The following NRXN3 variants were observed in gnomAD, a reference collection of about 807,000 sequenced individuals.
NRXN3 encodes the protein neurexin III.
A neutral mutation model predicts 137.6 loss-of-function variants in NRXN3; 32 were observed. The ratio of observed to expected loss-of-function variants is 0.23; its 90% CI spans 0.18 to 0.31. The LOEUF (loss-of-function observed/expected upper bound fraction) is 0.31, where lower values mean the gene tolerates loss of function less well. Among genes scored for constraint, NRXN3 ranks in the 10% least tolerant of loss-of-function variants. The probability of loss-of-function intolerance (pLI) is 1.00; values close to 1 mark genes in which losing one functional copy is unlikely to be tolerated. For synonymous variants in NRXN3, 798 were observed against 784.5 expected (o/e 1.02, Z -0.29); for missense variants, 1,574 against 2,062.5 (o/e 0.76, Z 4.59).
chr14:79,149,660 G>A (rs2059624601), intron 15 of NRXN3, among the ~76,000 whole-genome samples: 1 of 152,040 alleles, frequency 6.6e-6, no homozygotes, highest in South Asian at 2.1e-4. Flanking sequence ...TATACACCAT[G>A]GAATACTATA....
chr14:79,358,166 A>G (rs940614007), intron 15 of NRXN3, among the ~76,000 whole-genome samples: 2 of 152,190 alleles, frequency 1.3e-5, no homozygotes, highest in Non-Finnish European at 2.9e-5. Flanking sequence ...CTGCAGGCTA[A>G]GCCTTGGTAT....
intron 15 of NRXN3, among the ~76,000 whole-genome samples, chr14:79,210,145 C>A (rs1185469991): frequency 6.6e-6 from 1 of 152,060 alleles, no homozygotes; most frequent in African/African-American, 2.4e-5. Context: ...TTCTTCAGTC[C>A]CTGTCTTCCA....
At chr14:78,172,624 C>T (rs1380155516) in intron 1 of NRXN3, among the ~76,000 whole-genome samples, 1 of 152,058 alleles carries the variant, frequency 6.6e-6, no homozygotes, top group African/African-American at 2.4e-5. Context: ...GCCTGAGGTT[C>T]ATCCTGCGAG....
intron 15 of NRXN3, among the ~76,000 whole-genome samples, chr14:79,230,732 C>T (rs2072021456): frequency 6.6e-6 from 1 of 152,140 alleles, no homozygotes; most frequent in African/African-American, 2.4e-5. Flanking sequence ...TACTTTCTCC[C>T]TGGCAGGTAC....
At chr14:79,348,667 G>T (rs144878100) in intron 15 of NRXN3, among the ~76,000 whole-genome samples, 2 of 152,132 alleles carry the variant, frequency 1.3e-5, no homozygotes, top group African/African-American at 2.4e-5. Flanking sequence ...GTAAGCCACC[G>T]CGCCCGGCCT....
At chr14:79,375,642 G>A (rs2094251312) in intron 15 of NRXN3, among the ~76,000 whole-genome samples, 1 of 151,992 alleles carries the variant, frequency 6.6e-6, no homozygotes, top group Non-Finnish European at 1.5e-5. Context: ...TTGCCCTGGA[G>A]AAAAATACTG....
chr14:79,390,250 G>A (rs2094798806), intron 15 of NRXN3, among the ~76,000 whole-genome samples: 1 of 148,536 alleles, frequency 6.7e-6, no homozygotes, highest in Non-Finnish European at 1.5e-5. Context: ...CCAGGAGGTG[G>A]AACTTGCAGT....
chr14:79,358,803 TAGAA>T (rs1307880303), intron 15 of NRXN3, among the ~76,000 whole-genome samples: 1 of 152,000 alleles, frequency 6.6e-6, no homozygotes, highest in Non-Finnish European at 1.5e-5. Flanking sequence ...GTCACATCCT[TAGAA>T]AGGCCAAACC....
chr14:79,669,243 T>C (rs1046870259), intron 17 of NRXN3: 4 of 151,898 alleles, frequency 2.6e-5, no homozygotes, highest in Non-Finnish European at 5.9e-5. Flanking sequence ...ATAAATACAA[T>C]CAAGAAGGAA....
At chr14:78,636,436 A>G (rs745382222) in intron 4 of NRXN3, among the ~76,000 whole-genome samples, 3 of 152,122 alleles carry the variant, frequency 2.0e-5, no homozygotes, top group Non-Finnish European at 4.4e-5. Flanking sequence ...CTATCTAATT[A>G]CGAAATGTAG....
chr14:78,447,384 A>T (rs1253733280), intron 4 of NRXN3, among the ~76,000 whole-genome samples: 1 of 152,286 alleles, frequency 6.6e-6, no homozygotes, highest in Non-Finnish European at 1.5e-5. Context: ...CTAAGGCCTA[A>T]TAACATATAA....
intron 19 of NRXN3, among the ~76,000 whole-genome samples, chr14:79,732,938 A>G (rs1378470438): frequency 6.6e-6 from 1 of 152,162 alleles, no homozygotes. Context: ...TCAAAAGAAG[A>G]TGTTCAGATT....
chr14:78,967,883 A>G (rs923046229), intron 13 of NRXN3, among the ~76,000 whole-genome samples: 5 of 152,220 alleles, frequency 3.3e-5, no homozygotes, highest in Non-Finnish European at 7.3e-5. Context: ...AAGCACATAA[A>G]AAGCACTCAA....
At chr14:78,454,696 G>C (rs1481223353) in intron 4 of NRXN3, among the ~76,000 whole-genome samples, 4 of 152,330 alleles carry the variant, frequency 2.6e-5, no homozygotes, top group Middle Eastern at 6.8e-3. Context: ...GTGCATAGAA[G>C]ATGAGTGCTC....
At position 78,183,535 on chromosome 14, in the gene NRXN3, A is replaced by T. The variant is rs181335885; in HGVS notation, c.-704+12861A>T. Among the ~76,000 whole-genome samples, 21 of 152,358 alleles carry T rather than the reference A, an allele frequency of 1.4e-4. No homozygotes were observed. The East Asian group carries it at 3.9e-3, about 28-fold the overall frequency. ...GAGAAAGGAGATGTGTCAATGGGGC[A>T]TGATAAAATATTAAATTCCTGAAAG... On this transcript the variant is annotated intron_variant, in intron 1 of 20. Coordinates refer to ENST00000335750, the MANE Select transcript of NRXN3 (RefSeq NM_001330195.2).
At position 78,248,512 on chromosome 14, in the gene NRXN3, G is replaced by T. The variant is rs577946000; in HGVS notation, c.709+4710G>T. ...ATGGAATGGCATATACCAAGAGGAG[G>T]CTGCTTATCCCTGAGCATTTACTGA... On this transcript the variant is annotated intron_variant, in intron 2 of 20. Coordinates refer to ENST00000335750, the MANE Select transcript of NRXN3 (RefSeq NM_001330195.2). Among the ~76,000 whole-genome samples, 171 of 152,030 alleles carry T rather than the reference G, an allele frequency of 1.1e-3. No homozygotes were observed. The South Asian group carries it at 0.012, about 11-fold the overall frequency.
chr14:78,226,376 T>C (rs2064671974), intron 1 of NRXN3, among the ~76,000 whole-genome samples: 1 of 152,182 alleles, frequency 6.6e-6, no homozygotes, highest in Non-Finnish European at 1.5e-5. Context: ...AAATGGAGGT[T>C]GTGACCGCTT....
chr14:78,318,822 C>T (rs1379295868), intron 4 of NRXN3, among the ~76,000 whole-genome samples: 2 of 152,204 alleles, frequency 1.3e-5, no homozygotes, highest in African/African-American at 4.8e-5. Context: ...AGCAAAGGCC[C>T]TTCTTGAAAG....
At chr14:79,808,253 A>T (rs200187096) in intron 20 of NRXN3, among the ~76,000 whole-genome samples, 7,009 of 128,526 alleles carry the variant, frequency 0.055, 200 homozygotes, top group Non-Finnish European at 0.061. Context: ...AAAAAAAAAA[A>T]AAATATATAT....
Sources: allele counts gnomAD v4.1 joint callset (sites outside exome capture counted in the v4.1 genomes callset), GRCh38; gene constraint gnomAD v4.1.1; transcripts MANE v1.5; gene names NCBI Gene and HGNC (gene_info 2026-07-23, HGNC 2026-07-21).